The following CNTNAP2 variants were observed in gnomAD, a reference collection of about 807,000 sequenced individuals.
CNTNAP2 encodes contactin-associated protein-like 2.
Under a neutral mutation model 155.2 loss-of-function variants are expected in CNTNAP2, and 98 were observed. That is an observed-to-expected ratio of 0.63 (90% CI 0.54 to 0.75). The LOEUF (loss-of-function observed/expected upper bound fraction) is 0.75. Among genes scored for constraint, CNTNAP2 ranks in the 30% least tolerant of loss-of-function variants. The pLI is 0.00. For synonymous variants in CNTNAP2, 651 were observed against 631.2 expected, an observed-to-expected ratio of 1.03 and a Z score of -0.47; for missense variants, 1,727 against 1,688.1, an observed-to-expected ratio of 1.02 and a Z score of -0.40.
intron 12 of CNTNAP2, among the ~76,000 whole-genome samples, chr7:147,575,619 C>T (rs1414678474): frequency 6.6e-6 from 1 of 151,620 alleles, no homozygotes; most frequent in Non-Finnish European, 1.5e-5. Flanking sequence ...ACTCACCATC[C>T]TAACCAAGGT....
intron 13 of CNTNAP2, among the ~76,000 whole-genome samples, chr7:147,871,748 A>G (rs1585002871): frequency 6.7e-6 from 1 of 150,180 alleles, no homozygotes; most frequent in South Asian, 2.1e-4. Context: ...CACACATGCT[A>G]TCCACTCTTC....
intron 14 of CNTNAP2, among the ~76,000 whole-genome samples, chr7:147,959,041 G>T (rs973635209): frequency 2.2e-4 from 34 of 152,114 alleles, no homozygotes; most frequent in Non-Finnish European, 7.3e-5. Context: ...GAAAACCCAA[G>T]TAGAAATCAG....
intron 1 of CNTNAP2, among the ~76,000 whole-genome samples, chr7:146,224,186 C>G (rs900178061): frequency 1.3e-5 from 2 of 152,164 alleles, no homozygotes; most frequent in Non-Finnish European, 2.9e-5. Context: ...ATGGCAATGT[C>G]AGACTTTCAG....
chr7:146,958,418 T>G (rs868768903), intron 3 of CNTNAP2, among the ~76,000 whole-genome samples: 29 of 139,840 alleles, frequency 2.1e-4, no homozygotes, highest in African/African-American at 7.2e-4. Context: ...TTTTTTTTTT[T>G]TTTTTTTTTT....
At chr7:146,905,035 G>T (rs958102203) in intron 3 of CNTNAP2, among the ~76,000 whole-genome samples, 52 of 152,136 alleles carry the variant, frequency 3.4e-4, no homozygotes, top group Non-Finnish European at 2.6e-4. Flanking sequence ...TTTGGGGACA[G>T]ATAATTCCGT....
chr7:146,374,184 A>C (rs1283808084), intron 1 of CNTNAP2, among the ~76,000 whole-genome samples: 3 of 151,906 alleles, frequency 2.0e-5, no homozygotes, highest in Non-Finnish European at 4.4e-5. Context: ...ATATGTGATT[A>C]TGAAAAAAAA....
chr7:146,152,537 A>G (rs1012744661), intron 1 of CNTNAP2, among the ~76,000 whole-genome samples: 12 of 152,110 alleles, frequency 7.9e-5, no homozygotes, highest in Non-Finnish European at 7.4e-5. Flanking sequence ...CAGAAAAAGA[A>G]TAATTATGTG....
At chr7:146,850,728 G>A (rs1794863829) in intron 3 of CNTNAP2, among the ~76,000 whole-genome samples, 1 of 151,536 alleles carries the variant, frequency 6.6e-6, no homozygotes, top group African/African-American at 2.4e-5. Context: ...TGTAATGGTT[G>A]AATAAATATC....
chr7:146,324,491 G>A (rs1801062759), intron 1 of CNTNAP2, among the ~76,000 whole-genome samples: 1 of 152,072 alleles, frequency 6.6e-6, no homozygotes, highest in Non-Finnish European at 1.5e-5. Flanking sequence ...ATTGAAATTA[G>A]CAGTATCTGG....
intron 2 of CNTNAP2, among the ~76,000 whole-genome samples, chr7:146,807,652 C>T (rs1563239402): frequency 6.6e-6 from 1 of 151,994 alleles, no homozygotes; most frequent in Admixed American, 6.6e-5. Flanking sequence ...GCTGAGCCTT[C>T]TCTCCTCCAG....
intron 10 of CNTNAP2, among the ~76,000 whole-genome samples, chr7:147,481,964 A>T (rs952908379): frequency 6.6e-6 from 1 of 152,182 alleles, no homozygotes; most frequent in African/African-American, 2.4e-5. Flanking sequence ...CAAATAATCT[A>T]TATTTCTCAC....
chr7:146,947,402 CTCTCTCTCTA>C (rs1309319966), intron 3 of CNTNAP2, among the ~76,000 whole-genome samples: 6 of 131,560 alleles, frequency 4.6e-5, no homozygotes, highest in Admixed American at 1.6e-4. Flanking sequence ...CTCTCTCTCT[CTCTCTCTCTA>C]TATATATATA....
chr7:148,371,359 T>C (rs1798883994), intron 21 of CNTNAP2, among the ~76,000 whole-genome samples: 1 of 152,080 alleles, frequency 6.6e-6, no homozygotes, highest in Admixed American at 6.6e-5. Flanking sequence ...AATATAGAAA[T>C]TGGTTATTCG....
intron 1 of CNTNAP2, among the ~76,000 whole-genome samples, chr7:146,706,631 C>G (rs1563196823): frequency 6.6e-6 from 1 of 151,976 alleles, no homozygotes; most frequent in Non-Finnish European, 1.5e-5. Flanking sequence ...ATAGATGGAC[C>G]TGGAGGCCAT....
At chr7:147,189,805 C>A (rs751652951) in intron 8 of CNTNAP2, among the ~76,000 whole-genome samples, 25 of 152,120 alleles carry the variant, frequency 1.6e-4, no homozygotes, top group Non-Finnish European at 3.1e-4. Context: ...AGTGCAGTGG[C>A]GCGATCTCGG....
chr7:147,538,170 T>C (rs546715352), intron 11 of CNTNAP2, among the ~76,000 whole-genome samples: 1 of 152,250 alleles, frequency 6.6e-6, no homozygotes, highest in African/African-American at 2.4e-5. Context: ...TATAAGAAAA[T>C]CTAAGTCAAG....
chr7:148,288,100 T>TC (rs1797119471), intron 21 of CNTNAP2, among the ~76,000 whole-genome samples: 1 of 146,226 alleles, frequency 6.8e-6, no homozygotes, highest in Non-Finnish European at 1.5e-5. Context: ...TTTTTTTTTT[T>TC]CTTTTCTTTT....
chr7:147,261,023 A>ACATCT (rs1322047677), intron 8 of CNTNAP2, among the ~76,000 whole-genome samples: 2 of 152,316 alleles, frequency 1.3e-5, no homozygotes, highest in Non-Finnish European at 2.9e-5. Flanking sequence ...ACAACCAGAC[A>ACATCT]CATCTCTGTC....
chr7:147,104,785 T>G (rs947942261), intron 4 of CNTNAP2, among the ~76,000 whole-genome samples: 1 of 148,964 alleles, frequency 6.7e-6, no homozygotes, highest in Non-Finnish European at 1.5e-5. Flanking sequence ...AAACTCAAAT[T>G]ATTAGTGTAC....
Sources: allele counts gnomAD v4.1 joint callset (sites outside exome capture counted in the v4.1 genomes callset), GRCh38; gene constraint gnomAD v4.1.1; transcripts MANE v1.5; gene names NCBI Gene and HGNC (gene_info 2026-07-23, HGNC 2026-07-21).